MYO16: variants seen among roughly 807,000 people sequenced by gnomAD.
MYO16 encodes the protein unconventional myosin-XVI.
A neutral mutation model predicts 205.3 loss-of-function variants in MYO16; 94 were observed. The observed-to-expected ratio is 0.46, with a 90% CI of 0.39 to 0.54. The LOEUF (loss-of-function observed/expected upper bound fraction) is 0.54. Ranked by LOEUF, MYO16 falls within the 20% of genes least tolerant of loss-of-function variation. MYO16 has a pLI of 0.00. For missense variants in MYO16, 2,315 were observed against 2,387.5 expected (o/e 0.97, Z 0.63); for synonymous variants, 988 against 954.0 (o/e 1.04, Z -0.66).
chr13:108,657,155 A>G (rs1881281629), intron 1 of MYO16, among the ~76,000 whole-genome samples: 2 of 152,246 alleles, frequency 1.3e-5, no homozygotes. Flanking sequence ...TATTTTTCTC[A>G]ATAGCTGTAA....
intron 25 of MYO16, 121 bp from the exon 26 acceptor site, chr13:109,054,923 TTC>T: frequency 3.4e-6 from 2 of 585,756 alleles, no homozygotes; most frequent in Non-Finnish European, 6.0e-6. Context: ...TCTTCCTTCC[TTC>T]TTTCTCTTTT....
chr13:108,971,352 TA>T (rs1566439098), intron 20 of MYO16, among the ~76,000 whole-genome samples: 2,872 of 11,692 alleles, frequency 0.25, 105 homozygotes, highest in African/African-American at 0.35. Flanking sequence ...GTGTTGATTA[TA>T]TATATATATA....
At chr13:108,702,514 T>C (rs893566349) in intron 2 of MYO16, among the ~76,000 whole-genome samples, 1 of 152,184 alleles carries the variant, frequency 6.6e-6, no homozygotes, top group Non-Finnish European at 1.5e-5. Flanking sequence ...GAGAATTTTT[T>C]ACTAACAGGT....
intron 34 of MYO16, among the ~76,000 whole-genome samples, chr13:109,186,205 G>A (rs917846234): frequency 2.6e-5 from 4 of 152,076 alleles, no homozygotes; most frequent in East Asian, 3.9e-4. Flanking sequence ...CTGAGGTATC[G>A]ATACAATAAG....
At chr13:108,628,390 A>G (rs1879829301), upstream of MYO16, among the ~76,000 whole-genome samples, 2 of 152,194 alleles carry the variant, frequency 1.3e-5, no homozygotes, top group South Asian at 4.1e-4. Flanking sequence ...GTTAATGACA[A>G]CTTTTCAATG....
chr13:108,676,531 G>A (rs1271799002), intron 2 of MYO16, among the ~76,000 whole-genome samples: 2 of 152,162 alleles, frequency 1.3e-5, no homozygotes, highest in African/African-American at 4.8e-5. Flanking sequence ...ACTTGGAAAT[G>A]GAGTGTTTGC....
At chr13:109,173,905 A>AAAT (rs956601164) in intron 33 of MYO16, among the ~76,000 whole-genome samples, 4 of 143,110 alleles carry the variant, frequency 2.8e-5, no homozygotes, top group Non-Finnish European at 6.1e-5. Context: ...AAAAAAAAAA[A>AAAT]AAAAAAAAAG....
At chr13:108,692,841 A>G (rs1002878296) in intron 2 of MYO16, among the ~76,000 whole-genome samples, 1 of 152,208 alleles carries the variant, frequency 6.6e-6, no homozygotes, top group Non-Finnish European at 1.5e-5. Flanking sequence ...CTCTGAGTAG[A>G]GACCGTTAAA....
chr13:108,632,208 T>C (rs983037931), intron 1 of MYO16, among the ~76,000 whole-genome samples: 7 of 152,268 alleles, frequency 4.6e-5, no homozygotes, highest in African/African-American at 1.7e-4. Context: ...GTCTCCCATA[T>C]TGGGCTGATC....
At chr13:108,651,425 A>C (rs960856733) in intron 1 of MYO16, among the ~76,000 whole-genome samples, 1 of 152,252 alleles carries the variant, frequency 6.6e-6, no homozygotes, top group Non-Finnish European at 1.5e-5. Context: ...AAAGCTTTTG[A>C]TCATGACCAA....
At chr13:109,175,521 A>G (rs1273627121) in intron 33 of MYO16, among the ~76,000 whole-genome samples, 3 of 152,118 alleles carry the variant, frequency 2.0e-5, no homozygotes, top group East Asian at 3.8e-4. Flanking sequence ...GTTTCAGAAG[A>G]CCTTGATTTG....
At chr13:109,164,140 G>A (rs963928233) in intron 32 of MYO16, 1 of 152,178 alleles carries the variant, frequency 6.6e-6, no homozygotes, top group Non-Finnish European at 1.5e-5. Flanking sequence ...ATGGGGGGAT[G>A]TCTGGCCCCT....
At chr13:108,567,047 G>A in the MYO16 span, among the ~76,000 whole-genome samples, 1,562 of 152,246 alleles carry the variant, frequency 0.01, 17 homozygotes, top group African/African-American at 0.032. Flanking sequence ...TGTAGGAGGT[G>A]AAGATGTATT....
chr13:109,149,253 A>G (rs1317483534), intron 32 of MYO16, among the ~76,000 whole-genome samples: 2 of 152,184 alleles, frequency 1.3e-5, no homozygotes, highest in Non-Finnish European at 2.9e-5. Flanking sequence ...TGACGTGTTA[A>G]TGGCATCCTG....
At chr13:108,714,929 T>C (rs772745118) in intron 3 of MYO16, among the ~76,000 whole-genome samples, 1 of 152,154 alleles carries the variant, frequency 6.6e-6, no homozygotes, top group Non-Finnish European at 1.5e-5. Context: ...CCCTCTTTTC[T>C]GGGTACACAG....
intron 4 of MYO16, among the ~76,000 whole-genome samples, chr13:108,750,173 T>C (rs1371131584): frequency 6.6e-6 from 1 of 152,202 alleles, no homozygotes; most frequent in East Asian, 1.9e-4. Flanking sequence ...GTCTGTACGA[T>C]ATTGTGACAG....
chr13:108,741,232 G>A (rs1213656918), intron 4 of MYO16, among the ~76,000 whole-genome samples: 1 of 152,188 alleles, frequency 6.6e-6, no homozygotes, highest in African/African-American at 2.4e-5. Context: ...CGCTCACGCT[G>A]GGAGCTGTAG....
intron 16 of MYO16, among the ~76,000 whole-genome samples, chr13:108,924,667 G>C (rs566569941): frequency 6.6e-6 from 1 of 152,224 alleles, no homozygotes; most frequent in East Asian, 1.9e-4. Context: ...TGTATTGCTA[G>C]CTAGGGCACT....
intron 12 of MYO16, among the ~76,000 whole-genome samples, chr13:108,878,634 T>G (rs1355395154): frequency 6.6e-6 from 1 of 152,208 alleles, no homozygotes; most frequent in African/African-American, 2.4e-5. Flanking sequence ...TTGAACTGTT[T>G]AACACTTAAG....
Sources: gnomAD v4.1 joint callset for allele counts (sites outside exome capture counted in the v4.1 genomes callset) on GRCh38, gnomAD v4.1.1 for gene constraint, MANE v1.5 for transcripts, NCBI Gene and HGNC (gene_info 2026-07-23, HGNC 2026-07-21) for gene names.